The following MYO18A variants were observed in gnomAD, a reference collection of about 807,000 sequenced individuals.
MYO18A encodes the protein myosin XVIIIA.
Under a neutral mutation model 235.8 loss-of-function variants are expected in MYO18A, and 78 were observed. The observed-to-expected ratio is 0.33, with a 90% confidence interval of 0.28 to 0.40. The LOEUF (loss-of-function observed/expected upper bound fraction) is 0.40, where lower values mean the gene tolerates loss of function less well. MYO18A is among the 10% of genes least tolerant of loss of function. The pLI, the probability that MYO18A is intolerant of heterozygous loss-of-function variation, is 1.00. For missense variants in MYO18A, 2,215 were observed against 2,699.3 expected (o/e 0.82, Z 3.98); for synonymous variants, 977 against 1,077.8 (o/e 0.91, Z 1.83).
At chr17:29,113,726 G>A (rs1337491561) in intron 15 of MYO18A, among the ~76,000 whole-genome samples, 2 of 152,218 alleles carry the variant, frequency 1.3e-5, no homozygotes, top group African/African-American at 4.8e-5. Context: ...CTCAGCTGCT[G>A]AGAAAGGAGA....
Position 29,115,011 on chromosome 17 carries a change from G to A in MYO18A, c.2407C>T (p.Arg803Cys), listed in dbSNP as rs762012444. 1.9e-5 allele frequency: 30 copies of A among 1,613,870 alleles called. No individual in the cohort carries two copies. The highest frequency in any genetic ancestry group is 1.2e-4 in the African/African-American group (9 of 74,956). ...CACAGCTCCTCAAAGGAGGCTCCGC[G>A]GGCTGACCCACCCTGCTCAGGGTTC... is the stretch of plus-strand genomic sequence containing the variant. ...FQNPEQGGSA[R>C]GASFEELCHN... Residue 803 changes from arginine (R) to cysteine (C), a missense_variant, in exon 14 of 42, where the codon CGC becomes TGC. Arg to Cys is a radical substitution (Grantham distance 180, BLOSUM62 -3). Coordinates refer to ENST00000527372, the MANE Select transcript of MYO18A (RefSeq NM_078471.4).
Position 29,140,460 on chromosome 17 carries a change from G to C in MYO18A, c.1000-18207C>G, listed in dbSNP as rs897376522. On this transcript the variant is annotated intron_variant, in intron 2 of 41. Transcript: ENST00000527372. This position sits in a 1 kb window ranked among gnomAD's most constrained non-coding sequence, Gnocchi z 4.2. ...CCCGCCCAGTTCCCGCCCTCTCCCC[G>C]GCCCCTCCCGTCCCGAGCTGCCCAG... 2 of 1,210,762 alleles carry C rather than the reference G, an allele frequency of 1.7e-6. No homozygotes were observed. Among genetic ancestry groups the C allele is most frequent in the African/African-American group, 3.2e-5 (2 of 63,048 alleles). 75.0% of individuals were successfully genotyped at this position (1,210,762 alleles called of 1,614,324 possible).
intron 2 of MYO18A, chr17:29,127,918 G>A (rs747485318): frequency 5.1e-5 from 51 of 994,062 alleles, no homozygotes; most frequent in East Asian, 1.1e-4. Flanking sequence ...ACTTCGGGCC[G>A]GTGGAGCCTG....
chr17:29,146,940 A>C (rs116428209), intron 2 of MYO18A, among the ~76,000 whole-genome samples: 119 of 152,356 alleles, frequency 7.8e-4, no homozygotes, highest in African/African-American at 2.7e-3. Context: ...AGGAACAAGA[A>C]GGTACACACC....
rs754507709 is a variant in MYO18A, at chr17:29,121,858, A to G, written c.1187T>C (p.Val396Ala). The G allele has an allele frequency of 1.5e-5, 24 of 1,613,748 alleles. No individual in the cohort carries two copies. Among genetic ancestry groups the G allele is most frequent in the Non-Finnish European group, 1.9e-5 (23 of 1,179,802 alleles). ...GAILDVDEDD[V>A]EKANAPSCDR... The stretch of plus-strand genomic sequence containing the variant: ...AGCCCCCTGCCCACCTACCTTCTCA[A>G]CGTCATCCTCATCCACATCCAGGAT... The change falls in exon 4 of 42, where the codon GTT becomes GCT. Residue 396 changes from valine (V) to alanine (A), a missense_variant. Physicochemically the swap from Val to Ala is moderately conservative, Grantham distance 64. Coordinates refer to ENST00000527372, the MANE Select transcript of MYO18A (RefSeq NM_078471.4). The surrounding 1 kb of genome is among the most constrained non-coding windows in gnomAD (Gnocchi z 4.2).
rs928801892 is a variant in MYO18A, at chr17:29,074,890, A to G, written c.6045T>C (p.Leu2015=). Residue 2015 remains leucine, a synonymous_variant, in exon 42 of 42, where the codon CTT becomes CTC. Transcript: ENST00000527372. This position sits in a 1 kb window ranked among gnomAD's most constrained non-coding sequence, Gnocchi z 4.4. ...GCTCATCATCTGACCGATCAGGGGC[A>G]AGGGACTTCCAGTAGCTGGTGGGGC... The part of the protein sequence containing the change: ...SSSPTSYWKS[L]APDRSDDEHD... The G allele has an allele frequency of 1.9e-6, 3 of 1,613,840 alleles. No individual in the cohort carries two copies. Among genetic ancestry groups the G allele is most frequent in the African/African-American group, 2.7e-5 (2 of 74,904 alleles).
intron 2 of MYO18A, among the ~76,000 whole-genome samples, chr17:29,161,653 G>A (rs1344638604): frequency 6.6e-6 from 1 of 152,214 alleles, no homozygotes. Context: ...ACTCCCAGAT[G>A]CAGGAGGACA....
In MYO18A at chr17:29,140,599, T is replaced by C. The variant is rs955935977; in HGVS notation, c.1000-18346A>G. 2.1e-5 allele frequency: 5 copies of C among 241,050 alleles called. No individual in the cohort carries two copies. Among genetic ancestry groups the C allele is most frequent in the Non-Finnish European group, 3.2e-5 (4 of 123,754 alleles). The allele number at this position is 241,050 out of a possible 1,614,324, so 14.9% of individuals were successfully genotyped here. On this transcript the variant is annotated intron_variant, in intron 2 of 41. Transcript: ENST00000527372. This position sits in a 1 kb window ranked among gnomAD's most constrained non-coding sequence, Gnocchi z 4.2. ...GGAGAAGGCTCTTAGGGTAAAGCCA[T>C]TGGGGTGGGGGGCAGGCAGTGTTAG...
chr17:29,086,505 T>A lies in MYO18A; in HGVS notation c.5785A>T (p.Ile1929Phe). 6.2e-7 allele frequency: 1 copy of A among 1,612,216 alleles called. No individual in the cohort carries two copies. Among genetic ancestry groups the A allele is most frequent in the South Asian group, 1.1e-5 (1 of 90,546 alleles). ...TCAATGGCAGCCTGCAGGTCCCCGA[T>A]GCGCTTGAATGCCAACTTTAGGTCA... is the stretch of plus-strand genomic sequence containing the variant. ...QADLKLAFKR[I>F]GDLQAAIEDE... is the part of the protein sequence containing the mutation. The change falls in exon 39 of 42, where the codon ATC becomes TTC. Residue 1929 changes from isoleucine to phenylalanine, a missense_variant. By Grantham distance (21) the Ile-to-Phe change is conservative. Transcript: ENST00000527372.
intron 19 of MYO18A, among the ~76,000 whole-genome samples, chr17:29,108,886 G>A (rs1442896087): frequency 6.6e-6 from 1 of 152,164 alleles, no homozygotes; most frequent in Non-Finnish European, 1.5e-5. Flanking sequence ...GCTTGTTTGA[G>A]TAACGCACAT....
In MYO18A at chr17:29,117,267, G is replaced by C. The variant is rs1015284375; in HGVS notation, c.2038+778C>G. Among the ~76,000 whole-genome samples, 7 of 152,180 alleles carry C rather than the reference G, an allele frequency of 4.6e-5. No homozygotes were observed. Among genetic ancestry groups the C allele is most frequent in the African/African-American group, 9.7e-5 (4 of 41,440 alleles). ...CTCCTCCAAGCCAGGCCAAGTCCCC[G>C]AGCGCAAGTGCCAAAGCTGCAGCCC... On this transcript the variant is annotated intron_variant, in intron 10 of 41. Transcript: ENST00000527372. The surrounding 1 kb of genome is among the most constrained non-coding windows in gnomAD (Gnocchi z 4.6).
intron 19 of MYO18A, among the ~76,000 whole-genome samples, chr17:29,107,934 A>G (rs1018827322): frequency 2.7e-5 from 4 of 147,934 alleles, no homozygotes; most frequent in South Asian, 2.2e-4. Context: ...AAAAAAAAAA[A>G]GGCACCAGAG....
In MYO18A at chr17:29,140,927, C is replaced by T. The variant is rs1355571183; in HGVS notation, c.1000-18674G>A. Reference sequence around the variant, plus strand: ...CGGCAGAGGCCAAGACAGCCACTAACGTCACATCCAAGACAGCACACGGGG... The same window carrying T: ...CGGCAGAGGCCAAGACAGCCACTAATGTCACATCCAAGACAGCACACGGGG... On this transcript the variant is annotated intron_variant, in intron 2 of 41. Transcript: ENST00000527372. The surrounding 1 kb of genome is among the most constrained non-coding windows in gnomAD (Gnocchi z 4.2). 1.3e-5 allele frequency among the ~76,000 whole-genome samples: 2 copies of T among 152,218 alleles called. No individual in the cohort carries two copies. The highest frequency in any genetic ancestry group is 2.4e-5 in the African/African-American group (1 of 41,452).
In MYO18A at chr17:29,096,820, G is replaced by A. The variant is rs1158537163; in HGVS notation, c.4326C>T (p.Thr1442=). The change falls in exon 28 of 42, where the codon ACC becomes ACT. Residue 1442 remains threonine, a synonymous_variant. Coordinates refer to ENST00000527372, the MANE Select transcript of MYO18A (RefSeq NM_078471.4). ...CCTGCTGGCCCTCCAGGTGCAGCTT[G>A]GTGTCTTGCAGCTCAGCCGTCAGTC... The part of the protein sequence containing the change: ...CQRLTAELQD[T]KLHLEGQQVR... 6.2e-7 allele frequency: 1 copy of A among 1,602,850 alleles called. No individual in the cohort carries two copies. Among genetic ancestry groups the A allele is most frequent in the South Asian group, 1.1e-5 (1 of 88,480 alleles).
chr17:29,147,206 T>G (rs1165664430), intron 2 of MYO18A, among the ~76,000 whole-genome samples: 1 of 152,144 alleles, frequency 6.6e-6, no homozygotes, highest in Non-Finnish European at 1.5e-5. Context: ...TGGGGCATGA[T>G]TTAACCTGTG....
intron 2 of MYO18A, among the ~76,000 whole-genome samples, chr17:29,137,281 G>A (rs895805993): frequency 6.6e-6 from 1 of 152,196 alleles, no homozygotes; most frequent in East Asian, 1.9e-4. Context: ...TTAGCTGCAC[G>A]AGAGTGCTGG....
intron 2 of MYO18A, among the ~76,000 whole-genome samples, chr17:29,134,723 A>G (rs1272736351): frequency 1.3e-5 from 2 of 151,714 alleles, no homozygotes; most frequent in Non-Finnish European, 2.9e-5. Context: ...GGGTTTCTCC[A>G]TGTTAGTCAG....
chr17:29,110,646 G>A, intron 17 of MYO18A, 24 bp from the exon 18 acceptor site: 1 of 1,590,774 alleles, frequency 6.3e-7, no homozygotes, highest in Non-Finnish European at 8.6e-7. Context: ...GAGGATAAGG[G>A]AGGAAAAGCA....
In MYO18A at chr17:29,097,280, C is replaced by A. The variant is rs769782918; in HGVS notation, c.4173G>T (p.Gln1391His). The A allele has an allele frequency of 6.2e-7, 1 of 1,611,382 alleles. No individual in the cohort carries two copies. Among genetic ancestry groups the A allele is most frequent in the South Asian group, 1.1e-5 (1 of 91,072 alleles). The part of the protein sequence containing the change: ...EVDFTKKRLQ[Q>H]EFEDKLEVEQ... ...CCACCTCCAGCTTGTCCTCAAACTC[C>A]TGCTGGAGCCGTTTCTTGGTGAAGT... Residue 1391 changes from glutamine to histidine, a missense_variant, in exon 27 of 42, where the codon CAG becomes CAT. Transcript: ENST00000527372.
Sources: allele counts gnomAD v4.1 joint callset (sites outside exome capture counted in the v4.1 genomes callset), GRCh38; gene constraint gnomAD v4.1.1; non-coding constraint Gnocchi (gnomAD v3.1); transcripts MANE v1.5; gene names NCBI Gene and HGNC (gene_info 2026-07-23, HGNC 2026-07-21).